RBM38: variants seen among roughly 807,000 people sequenced by gnomAD.
The protein encoded by RBM38 is RNA-binding protein 38.
A neutral mutation model predicts 23.5 loss-of-function variants in RBM38; 11 were observed. The observed-to-expected ratio is 0.47, with a 90% CI of 0.29 to 0.77. RBM38 has a LOEUF of 0.77. Among genes scored for constraint, RBM38 ranks in the 30% least tolerant of loss-of-function variants. RBM38 has a pLI of 0.08. For missense variants in RBM38, 330 were observed against 351.9 expected, an observed-to-expected ratio of 0.94 and a Z score of 0.50; for synonymous variants, 165 against 166.1, an observed-to-expected ratio of 0.99 and a Z score of 0.05.
chr20:57,392,977 C>CG (rs1467524719), intron 2 of RBM38, 200 bp downstream of exon 2: 5 of 779,986 alleles, frequency 6.4e-6, no homozygotes, highest in Non-Finnish European at 1.0e-5. Flanking sequence ...AAGAAGGGGG[C>CG]GGGGGGCAGG....
chr20:57,406,813 G>C (rs1351861690), intron 3 of RBM38, among the ~76,000 whole-genome samples: 1 of 152,120 alleles, frequency 6.6e-6, no homozygotes, highest in Non-Finnish European at 1.5e-5. Context: ...CTAACACGGT[G>C]AAACCTCATC....
At chr20:57,406,980 C>CGA (rs1429300027) in intron 3 of RBM38, among the ~76,000 whole-genome samples, 1 of 139,414 alleles carries the variant, frequency 7.2e-6, no homozygotes, top group Non-Finnish European at 1.5e-5. Context: ...GGGAACAGAG[C>CGA]GAGACTCTGT....
At chr20:57,406,942 G>T (rs1208528264) in intron 3 of RBM38, among the ~76,000 whole-genome samples, 3 of 151,372 alleles carry the variant, frequency 2.0e-5, no homozygotes, top group Admixed American at 1.3e-4. Flanking sequence ...TGCAGTGAGC[G>T]GAGATCCCGC....
Position 57,391,531 on chromosome 20 carries a change from C to A in RBM38, c.-51C>A. ...GCCCCGCGCGCTCCCCGCCGCCCCC[C>A]ATGAGCGCAGCCCCGCGCGGCCCGG... On this transcript the variant is annotated 5_prime_UTR_variant, in exon 1 of 4. Coordinates refer to ENST00000356208, the MANE Select transcript of RBM38 (RefSeq NM_017495.6). 1.6e-6 allele frequency: 1 copy of A among 629,784 alleles called. No homozygotes were observed. The highest frequency in any genetic ancestry group is 2.0e-6 in the Non-Finnish European group (1 of 500,924). The allele number at this position is 629,784 out of a possible 1,614,324, so 39.0% of individuals were successfully genotyped here. A position where few individuals can be genotyped will look rare whatever the true frequency, so the allele number is the denominator to read the frequency against.
chr20:57,392,291 G>T lies in RBM38; in HGVS notation c.238-363G>T, dbSNP rs183294581. ...CTTTCCTGCTTACCTTCCAAGCATAGCGTCGCAAACTCCTTCTCAGAGGAA... is the reference window on the plus strand; with the variant it reads ...CTTTCCTGCTTACCTTCCAAGCATATCGTCGCAAACTCCTTCTCAGAGGAA... On this transcript the variant is annotated intron_variant, in intron 1 of 3. Coordinates refer to ENST00000356208, the MANE Select transcript of RBM38 (RefSeq NM_017495.6). 1.6e-4 allele frequency: 92 copies of T among 592,960 alleles called. 4 individuals carry two copies. The highest frequency in any genetic ancestry group is 1.5e-3 in the South Asian group (90 of 59,540). The allele number at this position is 592,960 out of a possible 1,614,324, so 36.7% of individuals were successfully genotyped here.
chr20:57,405,307 T>C (rs946719131), intron 3 of RBM38, among the ~76,000 whole-genome samples: 1 of 152,124 alleles, frequency 6.6e-6, no homozygotes, highest in Non-Finnish European at 1.5e-5. Flanking sequence ...TCCTGGCAGA[T>C]ATGTGAGAAA....
intron 3 of RBM38, among the ~76,000 whole-genome samples, chr20:57,406,633 A>G (rs1465629307): frequency 6.6e-6 from 1 of 152,032 alleles, no homozygotes; most frequent in Non-Finnish European, 1.5e-5. Context: ...TCCAGCATTC[A>G]CGCAGTCACT....
chr20:57,392,647 C>G lies in RBM38; in HGVS notation c.238-7C>G. 1 of 1,610,602 alleles carries G rather than the reference C, an allele frequency of 6.2e-7. No individual in the cohort carries two copies. Among genetic ancestry groups the G allele is most frequent in the African/African-American group, 1.3e-5 (1 of 74,990 alleles). On this transcript the variant is annotated splice_polypyrimidine_tract_variant and splice_region_variant and intron_variant, in intron 1 of 3. Coordinates refer to ENST00000356208, the MANE Select transcript of RBM38 (RefSeq NM_017495.6). Reference sequence around the variant, plus strand: ...CGGCAGCCCCTGATGTGTCTCTGCTCCACCAGGTGACCATGGCCGACCGGG... The same window carrying G: ...CGGCAGCCCCTGATGTGTCTCTGCTGCACCAGGTGACCATGGCCGACCGGG...
chr20:57,406,389 G>T (rs1473048700), intron 3 of RBM38, among the ~76,000 whole-genome samples: 2 of 152,196 alleles, frequency 1.3e-5, no homozygotes, highest in Admixed American at 1.3e-4. Context: ...CCCAGGTAGG[G>T]TTAAGAGCAC....
At chr20:57,402,419 G>C (rs2067337774) in intron 3 of RBM38, among the ~76,000 whole-genome samples, 1 of 152,342 alleles carries the variant, frequency 6.6e-6, no homozygotes, top group Admixed American at 6.5e-5. Flanking sequence ...GTGGGCATAG[G>C]CTGCAGTGGG....
At chr20:57,406,457 CA>C (rs2067384405) in intron 3 of RBM38, among the ~76,000 whole-genome samples, 1 of 152,224 alleles carries the variant, frequency 6.6e-6, no homozygotes, top group African/African-American at 2.4e-5. Context: ...GGACCTTGGG[CA>C]ACTCACCTGG....
chr20:57,401,854 C>T (rs62204186), intron 3 of RBM38, among the ~76,000 whole-genome samples: 17,269 of 152,164 alleles, frequency 0.11, 1,298 homozygotes, highest in Middle Eastern at 0.16. Flanking sequence ...CCTAATAACG[C>T]AGGAAGCCAC....
intron 3 of RBM38, among the ~76,000 whole-genome samples, chr20:57,397,172 C>G (rs1412649579): frequency 6.6e-6 from 1 of 152,214 alleles, no homozygotes; most frequent in East Asian, 1.9e-4. Flanking sequence ...ACAGGGCCAA[C>G]TTGACTGTGT....
Position 57,407,748 on chromosome 20 carries a change from C to G in RBM38, c.622C>G (p.Pro208Ala), listed in dbSNP as rs1285966706. 3 of 1,610,824 alleles carry G rather than the reference C, an allele frequency of 1.9e-6. No individual in the cohort carries two copies. In the South Asian group the frequency reaches 3.3e-5, roughly 18 times the overall value. ...TGCCAGCTTCGTGGGCTACAGCTAC[C>G]CTGCCGCCGTGCCCCAGGCCCTCTC... Reference protein sequence around the residue: ...TAASFVGYSYPAAVPQALSAA... With the variant: ...TAASFVGYSYAAAVPQALSAA... The change falls in exon 4 of 4, where the codon CCT becomes GCT. Residue 208 changes from proline to alanine, a missense_variant. Transcript: ENST00000356208. The surrounding 1 kb of genome is among the most constrained non-coding windows in gnomAD (Gnocchi z 4.0).
Position 57,407,713 on chromosome 20 carries a change from C to G in RBM38, c.587C>G (p.Pro196Arg). ...GACCAGTACCCATACGCCGCCTCGCCTGCCACGGCTGCCAGCTTCGTGGGC... is the reference window on the plus strand; with the variant it reads ...GACCAGTACCCATACGCCGCCTCGCGTGCCACGGCTGCCAGCTTCGTGGGC... ...TYDQYPYAAS[P>R]ATAASFVGYS... The change falls in exon 4 of 4, where the codon CCT becomes CGT. Residue 196 changes from proline to arginine, a missense_variant. Physicochemically the swap from Pro to Arg is moderately radical, Grantham distance 103 (BLOSUM62 -2). This residue lies in a region of RBM38 where 227 missense variants were observed against 216.4 expected (regional missense o/e 1.05). Coordinates refer to ENST00000356208, the MANE Select transcript of RBM38 (RefSeq NM_017495.6). This position sits in a 1 kb window ranked among gnomAD's most constrained non-coding sequence, Gnocchi z 4.0. 6.2e-7 allele frequency: 1 copy of G among 1,611,838 alleles called. No individual in the cohort carries two copies.
intron 3 of RBM38, among the ~76,000 whole-genome samples, chr20:57,403,895 C>T (rs938520539): frequency 3.3e-5 from 5 of 152,254 alleles, no homozygotes; most frequent in African/African-American, 9.6e-5. Flanking sequence ...GCTGGGATTA[C>T]AGGCGTGAGC....
chr20:57,407,703 GCCGCCTCGC>G lies in RBM38; in HGVS notation c.579_587del (p.Ser195_Ala197del). On this transcript the variant is annotated inframe_deletion, in exon 4 of 4. Coordinates refer to ENST00000356208, the MANE Select transcript of RBM38 (RefSeq NM_017495.6). This position sits in a 1 kb window ranked among gnomAD's most constrained non-coding sequence, Gnocchi z 4.0. ...GGCCACCTATGACCAGTACCCATAC[GCCGCCTCGC>G]CTGCCACGGCTGCCAGCTTCGTGGG... 4.3e-6 allele frequency: 7 copies of G among 1,612,164 alleles called. No individual in the cohort carries two copies. Among genetic ancestry groups the G allele is most frequent in the Non-Finnish European group, 5.1e-6 (6 of 1,179,756 alleles).
At chr20:57,393,379 A>G (rs1413214066) in intron 3 of RBM38, 46 bp downstream of exon 3, 2 of 1,585,222 alleles carry the variant, frequency 1.3e-6, no homozygotes, top group Non-Finnish European at 1.7e-6. Context: ...GTGGAGATGA[A>G]GTGGAGAGGG....
chr20:57,407,446 C>T lies in RBM38; in HGVS notation c.417-97C>T, dbSNP rs983171537. The T allele has an allele frequency of 6.8e-5, 93 of 1,368,598 alleles. No homozygotes were observed. In the South Asian group the frequency reaches 8.4e-4, roughly 12 times the overall value. 84.8% of individuals were successfully genotyped at this position (1,368,598 alleles called of 1,614,324 possible). The stretch of plus-strand genomic sequence containing the variant: ...CTGACCGATGAGGAAAGTCGGGGCT[C>T]GGGGTGGGGGGCGGCACGCATCGTG... On this transcript the variant is annotated intron_variant, in intron 3 of 3. Coordinates refer to ENST00000356208, the MANE Select transcript of RBM38 (RefSeq NM_017495.6). The surrounding 1 kb of genome is among the most constrained non-coding windows in gnomAD (Gnocchi z 4.0).
Sources: allele counts gnomAD v4.1 joint callset (sites outside exome capture counted in the v4.1 genomes callset), GRCh38; gene constraint gnomAD v4.1.1; regional missense constraint gnomAD v4.1.1; non-coding constraint Gnocchi (gnomAD v3.1); transcripts MANE v1.5; gene names NCBI Gene and HGNC (gene_info 2026-07-23, HGNC 2026-07-21).